Variants in GUCY1A2 observed in about 807,000 individuals in gnomAD.
GUCY1A2 encodes the protein guanylate cyclase soluble subunit alpha-2.
Under a neutral mutation model 63.5 loss-of-function variants are expected in GUCY1A2, and 27 were observed. The observed-to-expected ratio is 0.43, with a 90% CI of 0.31 to 0.59. The LOEUF (loss-of-function observed/expected upper bound fraction) is 0.59. Ranked by LOEUF, GUCY1A2 falls within the 20% of genes least tolerant of loss-of-function variation. The pLI, the probability that GUCY1A2 is intolerant of heterozygous loss-of-function variation, is 0.11. For synonymous variants in GUCY1A2, 364 were observed against 343.5 expected (o/e 1.06, Z -0.66); for missense variants, 768 against 913.3 (o/e 0.84, Z 2.05).
intron 6 of GUCY1A2, among the ~76,000 whole-genome samples, chr11:106,734,310 T>C (rs1021295270): frequency 6.6e-6 from 1 of 152,098 alleles, no homozygotes; most frequent in South Asian, 2.1e-4. Context: ...ATCAAAGATA[T>C]ATTTTGCTTA....
chr11:106,826,392 T>G (rs1272651878), intron 4 of GUCY1A2: 1 of 1,542,670 alleles, frequency 6.5e-7, no homozygotes, highest in Admixed American at 1.8e-5. Flanking sequence ...AATTCCATTT[T>G]TAGTCAAAAT....
At chr11:106,698,119 A>ATTTTT (rs71470827) in intron 7 of GUCY1A2, among the ~76,000 whole-genome samples, 1,347 of 100,454 alleles carry the variant, frequency 0.013, 172 homozygotes, top group African/African-American at 0.022. Flanking sequence ...GAATGTTAGA[A>ATTTTT]TTTTTTTTTT....
rs990638849 is a variant in GUCY1A2 at position 106,889,260 on chromosome 11, A to T, written c.1206+50200T>A. On this transcript the variant is annotated intron_variant, in intron 4 of 7. Transcript: ENST00000526355. ...ACACAGTATTTTTGGTATATTTTTA[A>T]AAAATGTTCTCCAAGGTAAGTTCCT... Among the ~76,000 whole-genome samples the T allele has an allele frequency of 3.9e-5, 6 of 152,216 alleles. No homozygotes were observed. The East Asian group carries it at 7.7e-4, about 20-fold the overall frequency.
At chr11:106,837,301 T>C (rs1859130459) in intron 4 of GUCY1A2, among the ~76,000 whole-genome samples, 1 of 152,010 alleles carries the variant, frequency 6.6e-6, no homozygotes, top group African/African-American at 2.4e-5. Flanking sequence ...TCTAGCACCA[T>C]CCATGTCCCT....
At chr11:106,833,299 G>C (rs1859074968) in intron 4 of GUCY1A2, among the ~76,000 whole-genome samples, 1 of 151,960 alleles carries the variant, frequency 6.6e-6, no homozygotes, top group Admixed American at 6.6e-5. Flanking sequence ...TGGGGGTTAG[G>C]ACTTCAAAGT....
intron 4 of GUCY1A2, among the ~76,000 whole-genome samples, chr11:106,863,942 T>C (rs1859551093): frequency 6.6e-6 from 1 of 152,126 alleles, no homozygotes; most frequent in Non-Finnish European, 1.5e-5. Context: ...ATTACTGGTA[T>C]ATAGGAATGC....
At chr11:106,934,686 G>T (rs181366073) in intron 4 of GUCY1A2, among the ~76,000 whole-genome samples, 2 of 152,278 alleles carry the variant, frequency 1.3e-5, no homozygotes, top group Non-Finnish European at 1.5e-5. Context: ...AATTAAAAAA[G>T]AAATGTGTTT....
At chr11:106,759,760 C>T (rs150187319) in intron 6 of GUCY1A2, among the ~76,000 whole-genome samples, 3,694 of 152,236 alleles carry the variant, frequency 0.024, 81 homozygotes, top group Non-Finnish European at 0.038. Flanking sequence ...GTGGCGAAAC[C>T]CTGTTTCTAC....
chr11:106,774,269 T>C (rs1166891266), intron 6 of GUCY1A2, among the ~76,000 whole-genome samples: 3 of 151,986 alleles, frequency 2.0e-5, no homozygotes, highest in Non-Finnish European at 4.4e-5. Context: ...GTAGCTGGGA[T>C]TACAGACGCC....
rs541749028 is a variant in GUCY1A2, at chr11:106,985,312, G to T, written c.365+758C>A. Among the ~76,000 whole-genome samples the T allele has an allele frequency of 7.9e-5, 12 of 152,276 alleles. No homozygotes were observed. The East Asian group carries it at 2.1e-3, about 27-fold the overall frequency. On this transcript the variant is annotated intron_variant, in intron 2 of 7. Coordinates refer to ENST00000526355, the MANE Select transcript of GUCY1A2 (RefSeq NM_000855.3). ...TAATGTCAATAAATTTAATCTAAAA[G>T]CTAGATTGCATGAGTAGGTAAATTT...
At chr11:106,935,301 T>C (rs1276459252) in intron 4 of GUCY1A2, among the ~76,000 whole-genome samples, 1 of 152,154 alleles carries the variant, frequency 6.6e-6, no homozygotes, top group Non-Finnish European at 1.5e-5. Context: ...CAACTAATAA[T>C]AGCAGTAGAA....
intron 7 of GUCY1A2, among the ~76,000 whole-genome samples, chr11:106,701,017 A>G (rs900890893): frequency 2.6e-5 from 4 of 152,198 alleles, no homozygotes; most frequent in Non-Finnish European, 5.9e-5. Flanking sequence ...TATCGAAGGT[A>G]TAGTTTAATG....
At chr11:106,911,144 G>A (rs182575233) in intron 4 of GUCY1A2, among the ~76,000 whole-genome samples, 7 of 151,814 alleles carry the variant, frequency 4.6e-5, no homozygotes, top group Admixed American at 4.6e-4. Context: ...AGGAAAAATG[G>A]GTAACATACT....
At chr11:106,746,428 A>G (rs1863788646) in intron 6 of GUCY1A2, 1 of 553,348 alleles carries the variant, frequency 1.8e-6, no homozygotes, top group African/African-American at 1.9e-5. Flanking sequence ...TACTACTACA[A>G]ACAAAAGGAT....
rs563560872 is a variant in GUCY1A2, at chr11:106,930,776, T to C, written c.1206+8684A>G. On this transcript the variant is annotated intron_variant, in intron 4 of 7. Transcript: ENST00000526355. ...GCCATGCCTTTGATATCTTTTCCTG[T>C]TTTGAAAGTACTTCGGGGCTGGACA... Among the ~76,000 whole-genome samples the C allele has an allele frequency of 2.6e-5, 4 of 152,348 alleles. No individual in the cohort carries two copies. The South Asian group carries it at 8.3e-4, about 32-fold the overall frequency.
At chr11:106,941,837 G>A (rs1288751695) in intron 3 of GUCY1A2, among the ~76,000 whole-genome samples, 1 of 152,212 alleles carries the variant, frequency 6.6e-6, no homozygotes, top group African/African-American at 2.4e-5. Flanking sequence ...ATAGGAAAAT[G>A]AGTAGAAAAC....
chr11:106,999,733 A>C (rs1861588342), intron 1 of GUCY1A2, among the ~76,000 whole-genome samples: 1 of 152,142 alleles, frequency 6.6e-6, no homozygotes, highest in Non-Finnish European at 1.5e-5. Flanking sequence ...TTCCAATTAC[A>C]TGTCCAATGG....
chr11:106,924,798 G>GGT (rs918924720), intron 4 of GUCY1A2, among the ~76,000 whole-genome samples: 79 of 151,982 alleles, frequency 5.2e-4, no homozygotes, highest in African/African-American at 1.8e-3. Flanking sequence ...TGAGCCCAGA[G>GGT]GTTCAAGACC....
chr11:106,828,067 T>G (rs1433703723), intron 4 of GUCY1A2, among the ~76,000 whole-genome samples: 2 of 152,170 alleles, frequency 1.3e-5, no homozygotes, highest in Non-Finnish European at 2.9e-5. Context: ...TTTTTCTTGT[T>G]GAGTTGTTTG....
Sources: allele counts gnomAD v4.1 joint callset (sites outside exome capture counted in the v4.1 genomes callset), GRCh38; gene constraint gnomAD v4.1.1; transcripts MANE v1.5; gene names NCBI Gene and HGNC (gene_info 2026-07-23, HGNC 2026-07-21).